SPON1: variants seen among roughly 807,000 people sequenced by gnomAD.
SPON1 encodes the protein spondin 1.
A neutral mutation model predicts 111.7 loss-of-function variants in SPON1; 52 were observed. That is an observed-to-expected ratio of 0.47 (90% CI 0.37 to 0.59). SPON1 has a LOEUF of 0.59. Ranked by LOEUF, SPON1 falls within the 20% of genes least tolerant of loss-of-function variation. The probability of loss-of-function intolerance (pLI) is 0.00; values close to 1 mark genes in which losing one functional copy is unlikely to be tolerated. For synonymous variants in SPON1, 410 were observed against 395.8 expected, an observed-to-expected ratio of 1.04 and a Z score of -0.43; for missense variants, 957 against 1,068.5, an observed-to-expected ratio of 0.90 and a Z score of 1.46.
chr11:14,147,402 G>C (rs775763654), intron 6 of SPON1, among the ~76,000 whole-genome samples: 1 of 151,630 alleles, frequency 6.6e-6, no homozygotes, highest in Non-Finnish European at 1.5e-5. Context: ...ATCATAAAAG[G>C]TTAATGAAGT....
Position 14,260,676 on chromosome 11 carries a change from GCTC to G in SPON1, c.1921_1923del (p.Leu641del). On this transcript the variant is annotated inframe_deletion, in exon 14 of 16. Coordinates refer to ENST00000576479, the MANE Select transcript of SPON1 (RefSeq NM_006108.4). ...AGGGCATGCGAACCCGACAGCGGAT[GCTC>G]AAGTCTCTGGCAGAACTTGGAGACT... The G allele has an allele frequency of 6.2e-7, 1 of 1,614,034 alleles. No homozygotes were observed. Among genetic ancestry groups the G allele is most frequent in the South Asian group, 1.1e-5 (1 of 91,086 alleles).
intron 6 of SPON1, among the ~76,000 whole-genome samples, chr11:14,241,534 G>A (rs985158162): frequency 6.6e-6 from 1 of 152,178 alleles, no homozygotes; most frequent in African/African-American, 2.4e-5. Flanking sequence ...GGGAGCTGCT[G>A]GTGTTTGGCA....
chr11:14,070,711 G>A (rs1202559021), intron 3 of SPON1, among the ~76,000 whole-genome samples: 1 of 152,120 alleles, frequency 6.6e-6, no homozygotes, highest in Non-Finnish European at 1.5e-5. Context: ...CCCGGGAGCA[G>A]GGACCCCAGC....
intron 6 of SPON1, among the ~76,000 whole-genome samples, chr11:14,231,388 C>T (rs936005264): frequency 5.3e-5 from 8 of 152,176 alleles, no homozygotes; most frequent in African/African-American, 1.9e-4. Flanking sequence ...CTGCCTTGGC[C>T]TCCCAAAGTG....
chr11:14,109,491 G>C (rs987839833), intron 5 of SPON1, among the ~76,000 whole-genome samples: 1 of 152,150 alleles, frequency 6.6e-6, no homozygotes, highest in South Asian at 2.1e-4. Flanking sequence ...TTGAAACTAC[G>C]GTTCTTGCAA....
intron 3 of SPON1, among the ~76,000 whole-genome samples, chr11:14,068,169 G>T (rs1564897731): frequency 6.6e-6 from 1 of 152,148 alleles, no homozygotes; most frequent in Non-Finnish European, 1.5e-5. Flanking sequence ...AAGTTGTAAA[G>T]TGCTAGAGTA....
In SPON1 at chr11:14,122,086, TTGGGGTTTGTTGATC is replaced by T. The variant is rs1847396584; in HGVS notation, c.677-13329_677-13315del. 2.0e-5 allele frequency among the ~76,000 whole-genome samples: 3 copies of T among 152,224 alleles called. No individual in the cohort carries two copies. In the East Asian group the frequency reaches 5.8e-4, roughly 29 times the overall value. ...ATCATTCTCTTTGTTTTTATTCTGT[TTGGGGTTTGTTGATC>T]TGGGATCTATAGGTTGGTATTTTTC... On this transcript the variant is annotated intron_variant, in intron 5 of 15. Coordinates refer to ENST00000576479, the MANE Select transcript of SPON1 (RefSeq NM_006108.4).
intron 6 of SPON1, among the ~76,000 whole-genome samples, chr11:14,202,854 C>T (rs533955541): frequency 3.3e-5 from 5 of 152,220 alleles, no homozygotes; most frequent in Admixed American, 6.5e-5. Flanking sequence ...CCGATTACAC[C>T]GGGCAGAGTC....
intron 6 of SPON1, among the ~76,000 whole-genome samples, chr11:14,237,431 G>A (rs1304849292): frequency 6.6e-6 from 1 of 152,188 alleles, no homozygotes; most frequent in African/African-American, 2.4e-5. Flanking sequence ...GAGGAGAGAA[G>A]GATGGAGAAG....
Position 14,103,403 on chromosome 11 carries a change from G to A in SPON1, c.676+23382G>A, listed in dbSNP as rs573406911. The stretch of plus-strand genomic sequence containing the variant: ...ATTATTCTGGCTGGGAATAGGAATA[G>A]AGCTGGCCTAGTCCTGCAGACATCT... On this transcript the variant is annotated intron_variant, in intron 5 of 15. Transcript: ENST00000576479. 2.7e-3 allele frequency among the ~76,000 whole-genome samples: 413 copies of A among 152,306 alleles called. 3 individuals carry two copies. The highest frequency in any genetic ancestry group is 1.7e-3 in the Non-Finnish European group (116 of 68,014).
chr11:14,063,794 C>T (rs376211653), intron 3 of SPON1, among the ~76,000 whole-genome samples: 99 of 152,314 alleles, frequency 6.5e-4, no homozygotes, highest in African/African-American at 2.2e-3. Context: ...TGCTGATTCC[C>T]AACATTGTGA....
At chr11:14,078,275 C>T (rs1254276365) in intron 4 of SPON1, among the ~76,000 whole-genome samples, 1 of 152,186 alleles carries the variant, frequency 6.6e-6, no homozygotes, top group Non-Finnish European at 1.5e-5. Context: ...TTTGAACCCT[C>T]AGAAATATCG....
At chr11:14,147,511 A>G (rs533255827) in intron 6 of SPON1, among the ~76,000 whole-genome samples, 52 of 152,162 alleles carry the variant, frequency 3.4e-4, no homozygotes, top group Admixed American at 1.4e-3. Context: ...TCTGCCTCCA[A>G]GTTTCAAGTG....
In SPON1 at chr11:13,962,838, G is replaced by A. The variant is rs954576872; in HGVS notation, c.-67G>A. ...CTCCGCCAGGTCGCGCCTTCGTCGG[G>A]ACCACTTCGGGCAGGAGTCGCGTGG... On this transcript the variant is annotated 5_prime_UTR_variant, in exon 1 of 16. Coordinates refer to ENST00000576479, the MANE Select transcript of SPON1 (RefSeq NM_006108.4). The A allele has an allele frequency of 7.3e-7, 1 of 1,362,678 alleles. No individual in the cohort carries two copies. Among genetic ancestry groups the A allele is most frequent in the Non-Finnish European group, 9.5e-7 (1 of 1,052,062 alleles). The allele number at this position is 1,362,678 out of a possible 1,614,324, so 84.4% of individuals were successfully genotyped here. A position where few individuals can be genotyped will look rare whatever the true frequency, so the allele number is the denominator to read the frequency against.
intron 6 of SPON1, among the ~76,000 whole-genome samples, chr11:14,157,857 CT>C (rs1389018817): frequency 6.6e-6 from 1 of 151,704 alleles, no homozygotes; most frequent in African/African-American, 2.4e-5. Flanking sequence ...TCATTTGATT[CT>C]TTTTTTTAGA....
In SPON1 at chr11:14,261,411, C is replaced by T. The variant is rs147707290; in HGVS notation, c.1996+659C>T. Among the ~76,000 whole-genome samples, 143 of 152,358 alleles carry T rather than the reference C, an allele frequency of 9.4e-4. 1 individual carries two copies. The highest frequency in any genetic ancestry group is 3.4e-3 in the Middle Eastern group (1 of 294). On this transcript the variant is annotated intron_variant, in intron 14 of 15. Transcript: ENST00000576479. ...GCCCCCTCCAGCATGTACTTGCAGT[C>T]GTTCATCCTCCCTCCCCTAGCTAGT... is the stretch of plus-strand genomic sequence containing the variant.
Position 14,228,735 on chromosome 11 carries a change from C to G in SPON1, c.826-14597C>G, listed in dbSNP as rs1163259328. ...AAGTCCTTCACTCCTGAAGAGAGAT[C>G]TGGACAGAGCGTCACATTGTCTTCC... On this transcript the variant is annotated intron_variant, in intron 6 of 15. Coordinates refer to ENST00000576479, the MANE Select transcript of SPON1 (RefSeq NM_006108.4). The surrounding 1 kb of genome is among the most constrained non-coding windows in gnomAD (Gnocchi z 4.2). Among the ~76,000 whole-genome samples the G allele has an allele frequency of 6.6e-6, 1 of 152,210 alleles. No individual in the cohort carries two copies. The highest frequency in any genetic ancestry group is 1.5e-5 in the Non-Finnish European group (1 of 68,038).
At chr11:14,021,465 A>C (rs572143470) in intron 2 of SPON1, among the ~76,000 whole-genome samples, 2 of 152,298 alleles carry the variant, frequency 1.3e-5, no homozygotes, top group East Asian at 1.9e-4. Flanking sequence ...TGAATGCCTC[A>C]GCTTCTGAAA....
In SPON1 at chr11:14,259,269, G is replaced by A. The variant is rs1554941579; in HGVS notation, c.1493-11G>A. On this transcript the variant is annotated splice_polypyrimidine_tract_variant and intron_variant, in intron 11 of 15. Coordinates refer to ENST00000576479, the MANE Select transcript of SPON1 (RefSeq NM_006108.4). The surrounding 1 kb of genome is among the most constrained non-coding windows in gnomAD (Gnocchi z 5.0). ...CGTGCACTGCTGCAGCGTTCACTCGGTGTGTTGCAGACGGCTCCACCTGCA... is the reference window on the plus strand; with the variant it reads ...CGTGCACTGCTGCAGCGTTCACTCGATGTGTTGCAGACGGCTCCACCTGCA... 1 of 1,605,534 alleles carries A rather than the reference G, an allele frequency of 6.2e-7. No homozygotes were observed. Among genetic ancestry groups the A allele is most frequent in the Admixed American group, 1.7e-5 (1 of 59,416 alleles).
Sources: gnomAD v4.1 joint callset for allele counts (sites outside exome capture counted in the v4.1 genomes callset) on GRCh38, gnomAD v4.1.1 for gene constraint, Gnocchi (gnomAD v3.1) non-coding constraint, MANE v1.5 for transcripts, NCBI Gene and HGNC (gene_info 2026-07-23, HGNC 2026-07-21) for gene names.